RAC2: variants seen among roughly 807,000 people sequenced by gnomAD.
RAC2 encodes the protein Rac family small GTPase 2.
In RAC2, 1 loss-of-function variant was observed where a neutral mutation model predicts 24.0. That is an observed-to-expected ratio of 0.04 (90% CI 0.01 to 0.20). The LOEUF (loss-of-function observed/expected upper bound fraction) is 0.20, where lower values mean the gene tolerates loss of function less well. Ranked by LOEUF, RAC2 falls within the 10% of genes least tolerant of loss-of-function variation. The pLI is 1.00. For synonymous variants in RAC2, 114 were observed against 106.8 expected (o/e 1.07, Z -0.41); for missense variants, 130 against 259.1 (o/e 0.50, Z 3.42).
At chr22:37,238,815 G>A (rs1927311484) in intron 2 of RAC2, among the ~76,000 whole-genome samples, 1 of 152,234 alleles carries the variant, frequency 6.6e-6, no homozygotes, top group Non-Finnish European at 1.5e-5. Flanking sequence ...CAATCACGGT[G>A]CAGCCCCACG....
rs778871264 is a variant in RAC2 at position 37,241,555 on chromosome 22, T to G, written c.107+32A>C. 2.5e-6 allele frequency: 4 copies of G among 1,595,890 alleles called. No homozygotes were observed. In the South Asian group the frequency reaches 4.4e-5, roughly 18 times the overall value. On this transcript the variant is annotated intron_variant, in intron 2 of 6. Transcript: ENST00000249071. ...GACTTGGTGACGGTCTCTCCCCTCCTCCCACCACCCCACATATCCCCAGGA... is the reference window on the plus strand; with the variant it reads ...GACTTGGTGACGGTCTCTCCCCTCCGCCCACCACCCCACATATCCCCAGGA...
Position 37,231,527 on chromosome 22 carries a change from G to A in RAC2, c.289-137C>T, listed in dbSNP as rs1017644631. 3.3e-5 allele frequency: 26 copies of A among 779,092 alleles called. No individual in the cohort carries two copies. The highest frequency in any genetic ancestry group is 1.9e-4 in the African/African-American group (11 of 58,214). The allele number at this position is 779,092 out of a possible 1,614,324, so 48.3% of individuals were successfully genotyped here. On this transcript the variant is annotated intron_variant, in intron 4 of 6. Transcript: ENST00000249071. This position sits in a 1 kb window ranked among gnomAD's most constrained non-coding sequence, Gnocchi z 5.5. ...CCAGAAGATCAGAGGTGGGCACGAC[G>A]GTGAGGAGAGAGAGACGTGAGGTGG...
At chr22:37,239,690 A>G (rs1462271518) in intron 2 of RAC2, among the ~76,000 whole-genome samples, 1 of 152,206 alleles carries the variant, frequency 6.6e-6, no homozygotes, top group African/African-American at 2.4e-5. Context: ...TGATTGGTCC[A>G]AGGTCCTTCA....
chr22:37,244,025 G>T, intron 1 of RAC2, 89 bp downstream of exon 1: 1 of 1,562,130 alleles, frequency 6.4e-7, no homozygotes, highest in Non-Finnish European at 8.8e-7. Context: ...TAGTTCTGCA[G>T]GGCCAGGGGC....
rs1927061236 is a variant in RAC2 at position 37,231,517 on chromosome 22, T to C, written c.289-127A>G. The C allele has an allele frequency of 1.2e-6, 1 of 862,228 alleles. No homozygotes were observed. Among genetic ancestry groups the C allele is most frequent in the Admixed American group, 2.1e-5 (1 of 47,232 alleles). The allele number at this position is 862,228 out of a possible 1,614,324, so 53.4% of individuals were successfully genotyped here. ...CAGCAAGTTGCCAGAAGATCAGAGGTGGGCACGACGGTGAGGAGAGAGAGA... is the reference window on the plus strand; with the variant it reads ...CAGCAAGTTGCCAGAAGATCAGAGGCGGGCACGACGGTGAGGAGAGAGAGA... On this transcript the variant is annotated intron_variant, in intron 4 of 6. Coordinates refer to ENST00000249071, the MANE Select transcript of RAC2 (RefSeq NM_002872.5). The surrounding 1 kb of genome is among the most constrained non-coding windows in gnomAD (Gnocchi z 5.5).
chr22:37,235,069 A>G (rs975258286), intron 2 of RAC2, among the ~76,000 whole-genome samples: 16 of 152,268 alleles, frequency 1.1e-4, no homozygotes, highest in South Asian at 1.0e-3. Flanking sequence ...CCTGTCACCC[A>G]GTGAATGCAG....
At chr22:37,234,947 G>A (rs1028258878) in intron 2 of RAC2, among the ~76,000 whole-genome samples, 4 of 152,184 alleles carry the variant, frequency 2.6e-5, no homozygotes, top group Admixed American at 6.5e-5. Flanking sequence ...CCTCTCTCAG[G>A]TGACTACTTT....
chr22:37,229,840 CACT>C (rs1364328324), intron 5 of RAC2, among the ~76,000 whole-genome samples: 1 of 152,168 alleles, frequency 6.6e-6, no homozygotes, highest in African/African-American at 2.4e-5. Context: ...GAGGGGCAGC[CACT>C]AACCCAAGGT....
At chr22:37,237,512 G>A (rs992669833) in intron 2 of RAC2, among the ~76,000 whole-genome samples, 4 of 152,132 alleles carry the variant, frequency 2.6e-5, no homozygotes, top group Admixed American at 6.5e-5. Flanking sequence ...TGGGGCTGCC[G>A]AGAGGCCAGG....
intron 2 of RAC2, among the ~76,000 whole-genome samples, chr22:37,236,273 C>A (rs565643686): frequency 2.6e-5 from 4 of 152,348 alleles, no homozygotes; most frequent in Admixed American, 2.6e-4. Context: ...CACAGGGCCC[C>A]TCCCCAGAGG....
chr22:37,232,065 G>A, intron 3 of RAC2, 71 bp from the exon 4 acceptor site: 1 of 1,485,954 alleles, frequency 6.7e-7, no homozygotes, highest in Non-Finnish European at 9.2e-7. Flanking sequence ...GCCACCGAGA[G>A]GTGGAGCTTG....
chr22:37,231,483 G>T lies in RAC2; in HGVS notation c.289-93C>A. Reference sequence around the variant, plus strand: ...CAGAGGGAGTGTGAGGGTGTAGGGAGAGGAGAGGCAGCAAGTTGCCAGAAG... The same window carrying T: ...CAGAGGGAGTGTGAGGGTGTAGGGATAGGAGAGGCAGCAAGTTGCCAGAAG... On this transcript the variant is annotated intron_variant, in intron 4 of 6. Transcript: ENST00000249071. The surrounding 1 kb of genome is among the most constrained non-coding windows in gnomAD (Gnocchi z 5.5). 7.9e-7 allele frequency: 1 copy of T among 1,259,010 alleles called. No individual in the cohort carries two copies. The highest frequency in any genetic ancestry group is 1.1e-6 in the Non-Finnish European group (1 of 876,742). 78.0% of individuals were successfully genotyped at this position (1,259,010 alleles called of 1,614,324 possible). A position where few individuals can be genotyped will look rare whatever the true frequency, so the allele number is the denominator to read the frequency against.
intron 2 of RAC2, among the ~76,000 whole-genome samples, chr22:37,240,024 C>T (rs1222603467): frequency 1.3e-5 from 2 of 152,218 alleles, no homozygotes; most frequent in East Asian, 3.8e-4. Context: ...TTTCTAGGCT[C>T]TCTGCTAGGG....
At chr22:37,237,289 G>A (rs1252952604) in intron 2 of RAC2, among the ~76,000 whole-genome samples, 1 of 151,868 alleles carries the variant, frequency 6.6e-6, no homozygotes, top group Non-Finnish European at 1.5e-5. Context: ...GGGCCAGAGG[G>A]GAACAGAGGG....
At chr22:37,237,174 C>T (rs968968913) in intron 2 of RAC2, among the ~76,000 whole-genome samples, 14 of 137,060 alleles carry the variant, frequency 1.0e-4, no homozygotes, top group African/African-American at 3.8e-4. Flanking sequence ...GGTGACACAG[C>T]GAGACTCCGT....
chr22:37,235,495 C>A (rs1473973911), intron 2 of RAC2, among the ~76,000 whole-genome samples: 2 of 152,168 alleles, frequency 1.3e-5, no homozygotes, highest in African/African-American at 2.4e-5. Context: ...CCACCTAAAC[C>A]AGCACTCCTT....
intron 2 of RAC2, among the ~76,000 whole-genome samples, chr22:37,240,366 G>A (rs1175730288): frequency 2.0e-5 from 3 of 152,238 alleles, no homozygotes; most frequent in Admixed American, 6.5e-5. Flanking sequence ...TGTAAGCCTG[G>A]GAGGCAAGCC....
chr22:37,230,150 G>A (rs1318939457), intron 5 of RAC2, among the ~76,000 whole-genome samples: 2 of 152,068 alleles, frequency 1.3e-5, no homozygotes, highest in Non-Finnish European at 2.9e-5. Flanking sequence ...TGAGGCCCCC[G>A]GGGAAGATGG....
chr22:37,226,806 G>A lies in RAC2; in HGVS notation c.449-3C>T, dbSNP rs367947647. 2.5e-6 allele frequency: 4 copies of A among 1,612,274 alleles called. No individual in the cohort carries two copies. Among genetic ancestry groups the A allele is most frequent in the Admixed American group, 3.3e-5 (2 of 59,904 alleles). On this transcript the variant is annotated splice_region_variant and splice_polypyrimidine_tract_variant and intron_variant, in intron 5 of 6. Coordinates refer to ENST00000249071, the MANE Select transcript of RAC2 (RefSeq NM_002872.5). ...GCACTCCAGGTATTTCACCGAGTCT[G>A]GTTGGGGAGATGGACAGGAGAGCCA... is the stretch of plus-strand genomic sequence containing the variant.
Sources: gnomAD v4.1 joint callset for allele counts (sites outside exome capture counted in the v4.1 genomes callset) on GRCh38, gnomAD v4.1.1 for gene constraint, Gnocchi (gnomAD v3.1) non-coding constraint, MANE v1.5 for transcripts, NCBI Gene and HGNC (gene_info 2026-07-23, HGNC 2026-07-21) for gene names.